Variants in DPF3 observed in about 807,000 individuals in gnomAD.
DPF3 encodes zinc finger protein DPF3.
In DPF3, 18 loss-of-function variants were observed where a neutral mutation model predicts 56.8. That is an observed-to-expected ratio of 0.32 (90% confidence interval 0.22 to 0.47). The LOEUF is 0.47. Ranked by LOEUF, DPF3 falls within the 20% of genes least tolerant of loss-of-function variation. The pLI is 1.00. For missense variants in DPF3, 403 were observed against 488.8 expected (o/e 0.82, Z 1.65); for synonymous variants, 188 against 180.2 (o/e 1.04, Z -0.35).
rs146016857 is a variant in DPF3 at position 72,619,379 on chromosome 14, G to T, written c.1067-12C>A. 5.0e-4 allele frequency: 774 copies of T among 1,536,096 alleles called. 5 individuals are homozygous for T. In the African/African-American group the frequency reaches 9.7e-3, roughly 19 times the overall value. ...GCAGCTCCAGCTTCCTGCAAGAAATGAGACGGCTTTAGTAGCAGCCCCTCT... is the reference window on the plus strand; with the variant it reads ...GCAGCTCCAGCTTCCTGCAAGAAATTAGACGGCTTTAGTAGCAGCCCCTCT... On this transcript the variant is annotated splice_polypyrimidine_tract_variant and intron_variant, in intron 10 of 10. Transcript: ENST00000556509.
intron 8 of DPF3, among the ~76,000 whole-genome samples, chr14:72,631,285 AC>A (rs1206683825): frequency 1.3e-5 from 2 of 152,134 alleles, no homozygotes; most frequent in Non-Finnish European, 2.9e-5. Flanking sequence ...TGAACTAATA[AC>A]CCTCTCAAGG....
intron 1 of DPF3, among the ~76,000 whole-genome samples, chr14:72,786,244 C>T (rs994349746): frequency 6.6e-6 from 1 of 150,946 alleles, no homozygotes; most frequent in African/African-American, 2.4e-5. Context: ...ACCTGGGCAA[C>T]AGAGCGAGAC....
At chr14:72,644,441 G>A (rs28461173) in intron 8 of DPF3, among the ~76,000 whole-genome samples, 1,744 of 152,272 alleles carry the variant, frequency 0.011, 38 homozygotes, top group African/African-American at 0.039. Context: ...AATTGATCTC[G>A]CTGCTTACTT....
intron 6 of DPF3, among the ~76,000 whole-genome samples, chr14:72,705,131 GA>G (rs1888350967): frequency 6.6e-6 from 1 of 152,144 alleles, no homozygotes; most frequent in South Asian, 2.1e-4. Context: ...GCAGGCAAGA[GA>G]AACTTCATCT....
At chr14:72,706,704 G>A (rs150328232) in intron 6 of DPF3, among the ~76,000 whole-genome samples, 1 of 152,166 alleles carries the variant, frequency 6.6e-6, no homozygotes, top group African/African-American at 2.4e-5. Context: ...TCCCCACCAT[G>A]ACTCAAAATA....
At chr14:72,632,998 G>A (rs1158842981) in intron 8 of DPF3, among the ~76,000 whole-genome samples, 1 of 152,210 alleles carries the variant, frequency 6.6e-6, no homozygotes, top group East Asian at 1.9e-4. Context: ...GCTACCAGGA[G>A]AGATACAAGA....
intron 3 of DPF3, among the ~76,000 whole-genome samples, chr14:72,745,278 G>GT (rs1046465557): frequency 1.4e-4 from 21 of 151,626 alleles, no homozygotes; most frequent in South Asian, 4.2e-4. Context: ...TGTGCAATTT[G>GT]TTTTTTTTCG....
chr14:72,723,763 A>T (rs1221656349), intron 4 of DPF3, 35 bp from the exon 5 acceptor site: 1 of 1,550,194 alleles, frequency 6.5e-7, no homozygotes, highest in African/African-American at 1.4e-5. Context: ...AAGGTGAGAA[A>T]CGAAATGCAA....
chr14:72,682,088 C>A (rs1421197422), intron 7 of DPF3, among the ~76,000 whole-genome samples: 1 of 152,064 alleles, frequency 6.6e-6, no homozygotes, highest in Non-Finnish European at 1.5e-5. Flanking sequence ...GTGGCACACA[C>A]CTGTAATCCC....
chr14:72,852,735 GTGT>G (rs1349323365), intron 1 of DPF3, among the ~76,000 whole-genome samples: 3 of 152,052 alleles, frequency 2.0e-5, no homozygotes, highest in African/African-American at 7.3e-5. Context: ...CACATCGTCC[GTGT>G]TGACTGCCTT....
At position 72,620,052 on chromosome 14, in the gene DPF3, G is replaced by A. The variant is rs576426281; in HGVS notation, c.985-68C>T. ...TATTCGGGGCCAATGTCTGGCCCCC[G>A]CTTACCCATCAGCCTTATTTCCACG... On this transcript the variant is annotated intron_variant, in intron 9 of 10. Coordinates refer to ENST00000556509, the MANE Select transcript of DPF3 (RefSeq NM_001280542.3). 296 of 1,429,514 alleles carry A rather than the reference G, an allele frequency of 2.1e-4. No individual in the cohort carries two copies. The African/African-American group carries it at 3.6e-3, about 17-fold the overall frequency. 88.6% of individuals were successfully genotyped at this position (1,429,514 alleles called of 1,614,324 possible).
At chr14:72,698,499 T>G (rs763307332) in intron 6 of DPF3, among the ~76,000 whole-genome samples, 1 of 152,028 alleles carries the variant, frequency 6.6e-6, no homozygotes, top group Non-Finnish European at 1.5e-5. Context: ...GGCAACATGG[T>G]CTCTACAAAA....
intron 1 of DPF3, among the ~76,000 whole-genome samples, chr14:72,861,029 AC>A (rs1435995775): frequency 0.12 from 59 of 476 alleles, no homozygotes; most frequent in African/African-American, 0.4. Flanking sequence ...CTCACTATAC[AC>A]ACACACACAC....
At chr14:72,640,726 G>A (rs1350671340) in intron 8 of DPF3, among the ~76,000 whole-genome samples, 1 of 152,168 alleles carries the variant, frequency 6.6e-6, no homozygotes, top group Non-Finnish European at 1.5e-5. Flanking sequence ...GTATAACAAT[G>A]GATTCAAACT....
intron 8 of DPF3, among the ~76,000 whole-genome samples, chr14:72,630,052 G>T (rs60700727): frequency 0.042 from 6,377 of 152,210 alleles, 235 homozygotes; most frequent in East Asian, 0.11. Context: ...AGAGTACACA[G>T]CCTGGGGCAG....
Position 72,749,414 on chromosome 14 carries a change from A to C in DPF3, c.301+3850T>G, listed in dbSNP as rs141652011. Among the ~76,000 whole-genome samples, 800 of 152,372 alleles carry C rather than the reference A, an allele frequency of 5.3e-3. 9 individuals are homozygous for C. The highest frequency in any genetic ancestry group is 0.018 in the African/African-American group (744 of 41,594). On this transcript the variant is annotated intron_variant, in intron 3 of 10. Transcript: ENST00000556509. ...AACTTGCTTCTGATTTTACAGGTTCATAAGCAAAAGGACTTGCCTTGTCTT... is the reference window on the plus strand; with the variant it reads ...AACTTGCTTCTGATTTTACAGGTTCCTAAGCAAAAGGACTTGCCTTGTCTT...
chr14:72,844,217 C>A (rs1884661663), intron 1 of DPF3, among the ~76,000 whole-genome samples: 1 of 152,170 alleles, frequency 6.6e-6, no homozygotes, highest in Non-Finnish European at 1.5e-5. Flanking sequence ...AATTTCAGAA[C>A]AAAACGTTAG....
chr14:72,654,754 C>G (rs1879867807), intron 8 of DPF3, among the ~76,000 whole-genome samples: 1 of 152,148 alleles, frequency 6.6e-6, no homozygotes, highest in Admixed American at 6.5e-5. Context: ...ATTCCAGTTC[C>G]CCTTTGTTTC....
At position 72,612,993 on chromosome 14, in the gene DPF3, C is replaced by CGT. The variant is rs59321921; in HGVS notation, c.*6302_*6303dup. ...TTTCCCTTTGGTTCATTAAGTAGGGCGTGTGTGTGTGTGTGTGTGTGTGTG... is the reference window on the plus strand; with the variant it reads ...TTTCCCTTTGGTTCATTAAGTAGGGCGTGTGTGTGTGTGTGTGTGTGTGTGTG... On this transcript the variant is annotated 3_prime_UTR_variant, in exon 11 of 11. Coordinates refer to ENST00000556509, the MANE Select transcript of DPF3 (RefSeq NM_001280542.3). 0.044 allele frequency among the ~76,000 whole-genome samples: 6,505 copies of CGT among 148,842 alleles called. 163 individuals carry two copies. Among genetic ancestry groups the CGT allele is most frequent in the South Asian group, 0.089 (405 of 4,574 alleles).
Sources: allele counts gnomAD v4.1 joint callset (sites outside exome capture counted in the v4.1 genomes callset), GRCh38; gene constraint gnomAD v4.1.1; transcripts MANE v1.5; gene names NCBI Gene and HGNC (gene_info 2026-07-23, HGNC 2026-07-21).